The following FOXP2 variants were observed in gnomAD, a reference collection of about 807,000 sequenced individuals.
FOXP2 encodes forkhead box P2, also known as forkhead box protein P2.
Under a neutral mutation model 115.8 loss-of-function variants are expected in FOXP2, and 12 were observed. The ratio of observed to expected loss-of-function variants is 0.10; its 90% CI spans 0.07 to 0.17. FOXP2 has a LOEUF of 0.17. Among genes scored for constraint, FOXP2 ranks in the 10% least tolerant of loss-of-function variants. FOXP2 has a pLI of 1.00. For missense variants in FOXP2, 629 were observed against 843.5 expected, an observed-to-expected ratio of 0.75 and a Z score of 3.15; for synonymous variants, 328 against 297.7, an observed-to-expected ratio of 1.10 and a Z score of -1.05.
intron 3 of FOXP2, among the ~76,000 whole-genome samples, chr7:114,611,532 A>C (rs2129318288): frequency 6.6e-6 from 1 of 152,328 alleles, no homozygotes; most frequent in Non-Finnish European, 1.5e-5. Context: ...TAGCTTCCTC[A>C]TGAAGCTTAG....
chr7:114,589,078 AT>A (rs1207366455), intron 3 of FOXP2, among the ~76,000 whole-genome samples: 4 of 152,172 alleles, frequency 2.6e-5, no homozygotes, highest in Admixed American at 1.3e-4. Context: ...TTAAGAAAAA[AT>A]AATCGTCATC....
intron 1 of FOXP2, among the ~76,000 whole-genome samples, chr7:114,216,599 A>G (rs1003822220): frequency 6.6e-6 from 1 of 152,048 alleles, no homozygotes; most frequent in East Asian, 1.9e-4. Context: ...CATTTGCTTT[A>G]TGTTTTATAG....
intron 1 of FOXP2, among the ~76,000 whole-genome samples, chr7:114,249,172 T>C (rs931723269): frequency 1.9e-4 from 29 of 152,162 alleles, no homozygotes; most frequent in African/African-American, 7.0e-4. Flanking sequence ...GTATTTACCA[T>C]TTTATATAAA....
At chr7:114,623,357 C>A (rs1214231905) in intron 3 of FOXP2, among the ~76,000 whole-genome samples, 1 of 151,794 alleles carries the variant, frequency 6.6e-6, no homozygotes, top group Non-Finnish European at 1.5e-5. Flanking sequence ...ACTGCTAATG[C>A]ATAATGATTT....
chr7:114,652,431 T>C (rs1355713621), intron 9 of FOXP2, 141 bp downstream of exon 9: 7 of 750,040 alleles, frequency 9.3e-6, no homozygotes, highest in Non-Finnish European at 1.6e-5. Context: ...TATTTTAGAT[T>C]GTTTTAAACA....
chr7:114,642,785 TA>T, intron 7 of FOXP2, among the ~76,000 whole-genome samples, 162 bp downstream of exon 7: 1 of 82,906 alleles, frequency 1.2e-5, no homozygotes, highest in Admixed American at 1.7e-4. Context: ...ATATAATATA[TA>T]TATATATATA....
chr7:114,613,094 A>G (rs1355494650), intron 3 of FOXP2, among the ~76,000 whole-genome samples: 1 of 152,224 alleles, frequency 6.6e-6, no homozygotes, highest in Admixed American at 6.5e-5. Flanking sequence ...TCTTTGAAGC[A>G]TTATTCTTGG....
chr7:114,166,256 G>A (rs1256828772), intron 1 of FOXP2, among the ~76,000 whole-genome samples: 2 of 151,854 alleles, frequency 1.3e-5, no homozygotes, highest in African/African-American at 4.8e-5. Flanking sequence ...TTAATAAGTT[G>A]GATTTCATTA....
chr7:114,482,306 TGAC>T (rs1284242352), intron 2 of FOXP2, among the ~76,000 whole-genome samples: 1 of 151,502 alleles, frequency 6.6e-6, no homozygotes, highest in Non-Finnish European at 1.5e-5. Context: ...TTGTAAAGAC[TGAC>T]GTTAGGATTT....
intron 3 of FOXP2, among the ~76,000 whole-genome samples, chr7:114,603,434 A>G (rs1410532896): frequency 6.6e-6 from 1 of 152,222 alleles, no homozygotes; most frequent in African/African-American, 2.4e-5. Context: ...CCTTTTATGC[A>G]TGGCATTTCT....
Position 114,642,473 on chromosome 7 carries a change from A to G in FOXP2, c.839A>G (p.Glu280Gly). The G allele has an allele frequency of 6.2e-7, 1 of 1,613,794 alleles. No individual in the cohort carries two copies. The highest frequency in any genetic ancestry group is 8.5e-7 in the Non-Finnish European group (1 of 1,179,932). ...GAAGTGACTGGAGTTCACAGTATGG[A>G]AGACAATGGCATTAAACATGGAGGG... is the stretch of plus-strand genomic sequence containing the variant. Reference protein sequence around the residue: ...WKEVTGVHSMEDNGIKHGGLD... With the variant: ...WKEVTGVHSMGDNGIKHGGLD... Residue 280 changes from glutamate (E) to glycine (G), a missense_variant, in exon 7 of 17, where the codon GAA (glutamate) becomes GGA (glycine). By Grantham distance (98) the Glu-to-Gly change is moderately conservative. This residue lies in a region of FOXP2 where 92 missense variants were observed against 80.1 expected (regional missense o/e 1.15). Coordinates refer to ENST00000350908, the MANE Select transcript of FOXP2 (RefSeq NM_014491.4).
At chr7:114,175,360 A>C (rs1007926438) in intron 1 of FOXP2, among the ~76,000 whole-genome samples, 5 of 152,096 alleles carry the variant, frequency 3.3e-5, no homozygotes, top group African/African-American at 4.8e-5. Flanking sequence ...GGTTTTGTGG[A>C]GTTGACAACT....
At chr7:114,549,788 TAA>T (rs58729874) in intron 3 of FOXP2, among the ~76,000 whole-genome samples, 2 of 151,122 alleles carry the variant, frequency 1.3e-5, no homozygotes, top group African/African-American at 4.9e-5. Context: ...TCTTTCAAAT[TAA>T]AAAAAAATAG....
chr7:114,596,231 G>T (rs1802696539), intron 3 of FOXP2, among the ~76,000 whole-genome samples: 1 of 152,058 alleles, frequency 6.6e-6, no homozygotes, highest in Admixed American at 6.6e-5. Context: ...CCATTTCCTT[G>T]GAGTGGTTTT....
intron 1 of FOXP2, among the ~76,000 whole-genome samples, chr7:114,194,231 G>A (rs1264348137): frequency 6.6e-6 from 1 of 151,466 alleles, no homozygotes; most frequent in Non-Finnish European, 1.5e-5. Context: ...CTTTTCTTTG[G>A]CACTTGTTAT....
chr7:114,184,572 T>C (rs1793544318), intron 1 of FOXP2, among the ~76,000 whole-genome samples: 1 of 152,146 alleles, frequency 6.6e-6, no homozygotes, highest in South Asian at 2.1e-4. Context: ...AGAACAGGGT[T>C]ACTGGAAGGA....
At chr7:114,444,909 A>G (rs1261900888) in intron 2 of FOXP2, among the ~76,000 whole-genome samples, 1 of 152,166 alleles carries the variant, frequency 6.6e-6, no homozygotes, top group African/African-American at 2.4e-5. Flanking sequence ...TTCTTGTTCT[A>G]CATTTTTTAG....
intron 8 of FOXP2, among the ~76,000 whole-genome samples, chr7:114,647,142 A>T (rs1805958972): frequency 6.6e-6 from 1 of 151,948 alleles, no homozygotes; most frequent in South Asian, 2.1e-4. Context: ...TTGATATCAG[A>T]TAACTTATCT....
intron 2 of FOXP2, among the ~76,000 whole-genome samples, chr7:114,454,324 A>T (rs1318591984): frequency 6.6e-6 from 1 of 152,152 alleles, no homozygotes; most frequent in Non-Finnish European, 1.5e-5. Flanking sequence ...GTGAGATACC[A>T]TCTCACACCA....
Sources: allele counts gnomAD v4.1 joint callset (sites outside exome capture counted in the v4.1 genomes callset), GRCh38; gene constraint gnomAD v4.1.1; regional missense constraint gnomAD v4.1.1; transcripts MANE v1.5; gene names NCBI Gene and HGNC (gene_info 2026-07-23, HGNC 2026-07-21).